The following ASTN2 variants were observed in gnomAD, a reference collection of about 807,000 sequenced individuals.
The protein encoded by ASTN2 is astrotactin-2.
ASTN2 carries 54 observed loss-of-function variants against 139.8 expected under a neutral mutation model. The ratio of observed to expected loss-of-function variants is 0.39; its 90% CI spans 0.31 to 0.48. The LOEUF (loss-of-function observed/expected upper bound fraction) is 0.48, where lower values mean the gene tolerates loss of function less well. ASTN2 is among the 20% of genes least tolerant of loss of function. The pLI is 0.95. For missense variants in ASTN2, 1,565 were observed against 1,725.1 expected (o/e 0.91, Z 1.64); for synonymous variants, 756 against 719.5 (o/e 1.05, Z -0.81).
Position 116,502,718 on chromosome 9 carries a change from GGAAGGAAGGAAGGAAT to G in ASTN2, c.3356-15234_3356-15219del, listed in dbSNP as rs1307004907. On this transcript the variant is annotated intron_variant, in intron 19 of 22. Coordinates refer to ENST00000313400, the MANE Select transcript of ASTN2 (RefSeq NM_001365068.1). Reference sequence around the variant, plus strand: ...AGGAAGGAAGGAAGGAAGGAAGGAAGGAAGGAAGGAAGGAATGAATGAATGAATGAGGGAAGGAAGG... The same window carrying G: ...AGGAAGGAAGGAAGGAAGGAAGGAAGGAATGAATGAATGAGGGAAGGAAGG... 2.0e-3 allele frequency among the ~76,000 whole-genome samples: 96 copies of G among 47,986 alleles called. 3 individuals carry two copies. The highest frequency in any genetic ancestry group is 6.2e-3 in the African/African-American group (84 of 13,496). The allele number at this position is 47,986 out of a possible 152,430, so 31.5% of individuals were successfully genotyped here. A position where few individuals can be genotyped will look rare whatever the true frequency, so the allele number is the denominator to read the frequency against.
intron 17 of ASTN2, among the ~76,000 whole-genome samples, chr9:116,634,962 A>G (rs1857002274): frequency 6.7e-6 from 1 of 148,920 alleles, no homozygotes; most frequent in South Asian, 2.6e-4. Context: ...GGGGAAGACT[A>G]AGAAGAAAAA....
intron 19 of ASTN2, among the ~76,000 whole-genome samples, chr9:116,578,684 C>A (rs995619112): frequency 6.8e-6 from 1 of 146,226 alleles, no homozygotes; most frequent in African/African-American, 2.5e-5. Flanking sequence ...TGTACAGTAC[C>A]AATCCCTGAA....
chr9:117,061,947 C>T (rs2132689477), intron 5 of ASTN2, among the ~76,000 whole-genome samples: 1 of 152,232 alleles, frequency 6.6e-6, no homozygotes, highest in Non-Finnish European at 1.5e-5. Flanking sequence ...TTGTTTAAAC[C>T]TCATTACAAC....
At chr9:117,141,547 A>C in intron 3 of ASTN2, 69 bp from the exon 4 acceptor site, 1 of 1,295,000 alleles carries the variant, frequency 7.7e-7, no homozygotes, top group Non-Finnish European at 1.0e-6. Context: ...ACTGGGGCTG[A>C]AGTTAGGGCT....
chr9:117,247,786 T>C (rs13285410), intron 2 of ASTN2, among the ~76,000 whole-genome samples: 76,162 of 152,024 alleles, frequency 0.5, 22,004 homozygotes, highest in East Asian at 0.77. Context: ...GGGAGAAGGC[T>C]GTGTCAGCTC....
intron 19 of ASTN2, among the ~76,000 whole-genome samples, chr9:116,542,662 C>T (rs563004416): frequency 1.1e-4 from 16 of 152,244 alleles, no homozygotes; most frequent in African/African-American, 3.9e-4. Flanking sequence ...GTGGCTCATA[C>T]CTGTAATCCC....
intron 3 of ASTN2, among the ~76,000 whole-genome samples, chr9:117,164,554 C>T (rs908274971): frequency 3.3e-5 from 5 of 152,048 alleles, no homozygotes; most frequent in African/African-American, 9.7e-5. Context: ...TAAACCCCTG[C>T]CCCCCAATCC....
chr9:116,477,281 AT>A (rs1359462465), intron 20 of ASTN2, among the ~76,000 whole-genome samples: 24 of 152,030 alleles, frequency 1.6e-4, no homozygotes, highest in African/African-American at 5.3e-4. Context: ...GAGGACAGCT[AT>A]TCCCCTCTCC....
In ASTN2 at chr9:117,375,085, C is replaced by T. The variant is rs145089064; in HGVS notation, c.442+39412G>A. The stretch of plus-strand genomic sequence containing the variant: ...TACTAGATCAAATTCCCTCCCAGCA[C>T]GTTCAGTTTCAACAAGAAACATCCT... On this transcript the variant is annotated intron_variant, in intron 1 of 22. Transcript: ENST00000313400. Among the ~76,000 whole-genome samples the T allele has an allele frequency of 4.9e-3, 743 of 152,278 alleles. 7 individuals carry two copies. The highest frequency in any genetic ancestry group is 0.017 in the African/African-American group (695 of 41,562).
At chr9:117,303,207 TC>T (rs1156309315) in intron 1 of ASTN2, among the ~76,000 whole-genome samples, 1 of 152,116 alleles carries the variant, frequency 6.6e-6, no homozygotes, top group Non-Finnish European at 1.5e-5. Context: ...TGCTTTTATC[TC>T]CTCTGTGTCC....
At chr9:116,769,031 C>T (rs7847485) in intron 13 of ASTN2, among the ~76,000 whole-genome samples, 70,765 of 151,946 alleles carry the variant, frequency 0.47, 16,823 homozygotes, top group East Asian at 0.76. Context: ...TAAAGAAAGA[C>T]CCAGGCTGGA....
chr9:117,403,925 G>A (rs1016338013), intron 1 of ASTN2, among the ~76,000 whole-genome samples: 1 of 152,128 alleles, frequency 6.6e-6, no homozygotes, highest in Non-Finnish European at 1.5e-5. Flanking sequence ...TGGGGAGGAG[G>A]GGAGGTGGAG....
intron 3 of ASTN2, among the ~76,000 whole-genome samples, chr9:117,155,333 G>A (rs763497099): frequency 3.3e-5 from 5 of 152,016 alleles, no homozygotes; most frequent in Non-Finnish European, 7.4e-5. Context: ...CAGCAGAGCA[G>A]AACAAATTCC....
rs1847278064 is a variant in ASTN2 at position 116,425,543 on chromosome 9, C to T, written c.*308G>A. 1.2e-6 allele frequency: 2 copies of T among 1,610,360 alleles called. No homozygotes were observed. Among genetic ancestry groups the T allele is most frequent in the Admixed American group, 1.7e-5 (1 of 59,538 alleles). On this transcript the variant is annotated 3_prime_UTR_variant, in exon 23 of 23. Coordinates refer to ENST00000313400, the MANE Select transcript of ASTN2 (RefSeq NM_001365068.1). Reference sequence around the variant, plus strand: ...AAGAGCAAAGGCCGCTTGGTCTCCACCTGAAAACTTCTGCCTCGGGATTGA... The same window carrying T: ...AAGAGCAAAGGCCGCTTGGTCTCCATCTGAAAACTTCTGCCTCGGGATTGA...
chr9:116,427,166 G>C (rs1422883644), intron 22 of ASTN2, among the ~76,000 whole-genome samples: 1 of 151,998 alleles, frequency 6.6e-6, no homozygotes, highest in Non-Finnish European at 1.5e-5. Flanking sequence ...TTTTTGTTGT[G>C]GGAACAATCC....
chr9:116,595,283 G>T (rs1854518158), intron 19 of ASTN2, among the ~76,000 whole-genome samples: 1 of 152,102 alleles, frequency 6.6e-6, no homozygotes, highest in Admixed American at 6.5e-5. Context: ...TTCTGGTATG[G>T]TGTAGGTACT....
intron 3 of ASTN2, among the ~76,000 whole-genome samples, chr9:117,169,975 T>G (rs1830754018): frequency 6.6e-6 from 1 of 152,098 alleles, no homozygotes; most frequent in South Asian, 2.1e-4. Context: ...TCTGGCTATC[T>G]TGGGTTTGAA....
At chr9:117,390,472 C>G (rs1830513006) in intron 1 of ASTN2, among the ~76,000 whole-genome samples, 1 of 152,182 alleles carries the variant, frequency 6.6e-6, no homozygotes. Context: ...TTTCACTGCT[C>G]TAAGAATCTT....
intron 2 of ASTN2, among the ~76,000 whole-genome samples, chr9:117,241,855 A>C (rs1833217153): frequency 6.6e-6 from 1 of 151,900 alleles, no homozygotes; most frequent in African/African-American, 2.4e-5. Context: ...CTTCTAAAGA[A>C]GTATCTGCTA....
Sources: allele counts gnomAD v4.1 joint callset (sites outside exome capture counted in the v4.1 genomes callset), GRCh38; gene constraint gnomAD v4.1.1; transcripts MANE v1.5; gene names NCBI Gene and HGNC (gene_info 2026-07-23, HGNC 2026-07-21).